WWOX: variants seen among roughly 807,000 people sequenced by gnomAD.
WWOX encodes WW domain-containing oxidoreductase.
A neutral mutation model predicts 46.2 loss-of-function variants in WWOX; 69 were observed. That is an observed-to-expected ratio of 1.49 (90% CI 1.23 to 1.82). WWOX has a LOEUF of 1.82. WWOX is among the 40% of genes most tolerant of loss of function. The pLI is 0.00. For missense variants in WWOX, 919 were observed against 542.6 expected (o/e 1.69, Z -6.89); for synonymous variants, 359 against 202.6 (o/e 1.77, Z -6.56).
At chr16:78,862,638 G>A (rs2043915645) in intron 8 of WWOX, among the ~76,000 whole-genome samples, 1 of 152,106 alleles carries the variant, frequency 6.6e-6, no homozygotes, top group Admixed American at 6.5e-5. Context: ...AGAAGCAGGA[G>A]ATAAAAAGGC....
chr16:78,688,089 G>C (rs1359949913), intron 8 of WWOX, among the ~76,000 whole-genome samples: 1 of 136,930 alleles, frequency 7.3e-6, no homozygotes, highest in African/African-American at 2.8e-5. Context: ...CAAATTCACA[G>C]ACCAGGAATG....
At chr16:79,030,465 C>T (rs1221727741) in intron 8 of WWOX, among the ~76,000 whole-genome samples, 2 of 152,166 alleles carry the variant, frequency 1.3e-5, no homozygotes, top group African/African-American at 2.4e-5. Flanking sequence ...CGGGCAATCC[C>T]ATTAGCAGTG....
intron 8 of WWOX, among the ~76,000 whole-genome samples, chr16:78,633,526 T>C (rs937094137): frequency 1.3e-5 from 2 of 152,208 alleles, no homozygotes; most frequent in East Asian, 1.9e-4. Flanking sequence ...AGCTAACGCA[T>C]GGCAACGCTG....
At chr16:79,077,389 A>C (rs2048678012) in intron 8 of WWOX, 1 of 152,162 alleles carries the variant, frequency 6.6e-6, no homozygotes, top group Admixed American at 6.5e-5. Flanking sequence ...TGTGTGGATT[A>C]AAAAACCACA....
Position 78,354,551 on chromosome 16 carries a change from T to C in WWOX, c.517-32309T>C, listed in dbSNP as rs181069454. ...ATTTCTAGTTTAGAAGAGACCCTTATTTTTCATATGCTTAGAAATATCCAG... is the reference window on the plus strand; with the variant it reads ...ATTTCTAGTTTAGAAGAGACCCTTACTTTTCATATGCTTAGAAATATCCAG... On this transcript the variant is annotated intron_variant, in intron 5 of 8. Transcript: ENST00000566780. Among the ~76,000 whole-genome samples, 42 of 152,270 alleles carry C rather than the reference T, an allele frequency of 2.8e-4. No individual in the cohort carries two copies. The East Asian group carries it at 7.5e-3, about 27-fold the overall frequency.
intron 8 of WWOX, chr16:78,873,366 C>T (rs1236621107): frequency 1.3e-5 from 2 of 152,140 alleles, no homozygotes; most frequent in Non-Finnish European, 2.9e-5. Context: ...AGTTGACTAT[C>T]TCCTTATGCT....
At chr16:78,649,864 C>T (rs1365681326) in intron 8 of WWOX, among the ~76,000 whole-genome samples, 1 of 152,290 alleles carries the variant, frequency 6.6e-6, no homozygotes, top group East Asian at 1.9e-4. Context: ...CCTTGTCTTC[C>T]ACATATGGTA....
At chr16:78,875,571 T>C (rs3752910) in intron 8 of WWOX, among the ~76,000 whole-genome samples, 5,027 of 152,310 alleles carry the variant, frequency 0.033, 227 homozygotes, top group East Asian at 0.25. Flanking sequence ...ACTTTGCCTC[T>C]CTTCCCGACT....
chr16:79,103,578 C>A (rs11866236), intron 8 of WWOX, among the ~76,000 whole-genome samples: 3,264 of 152,250 alleles, frequency 0.021, 111 homozygotes, highest in African/African-American at 0.075. Flanking sequence ...TTATTCCATA[C>A]TATCTGATTC....
chr16:78,676,549 A>T (rs1217420697), intron 8 of WWOX, among the ~76,000 whole-genome samples: 1 of 152,096 alleles, frequency 6.6e-6, no homozygotes, highest in African/African-American at 2.4e-5. Context: ...ACAGTCTAAA[A>T]TCATCATCAT....
chr16:78,720,197 C>T (rs1226647848), intron 8 of WWOX, among the ~76,000 whole-genome samples: 2 of 151,948 alleles, frequency 1.3e-5, no homozygotes, highest in African/African-American at 4.8e-5. Flanking sequence ...TCTTTTAGAC[C>T]CTACCAGTAA....
chr16:79,168,480 G>A (rs966939784), intron 8 of WWOX, among the ~76,000 whole-genome samples: 2 of 152,152 alleles, frequency 1.3e-5, no homozygotes, highest in African/African-American at 4.8e-5. Context: ...TTGTGCATGT[G>A]CAACTGAAAT....
At chr16:78,555,867 A>G (rs906766451) in intron 8 of WWOX, among the ~76,000 whole-genome samples, 4 of 152,136 alleles carry the variant, frequency 2.6e-5, no homozygotes, top group South Asian at 2.1e-4. Context: ...TGTTATCACA[A>G]TCTCTGCAGA....
chr16:79,113,588 C>A (rs1008698633), intron 8 of WWOX, among the ~76,000 whole-genome samples: 2 of 152,226 alleles, frequency 1.3e-5, no homozygotes, highest in Admixed American at 1.3e-4. Context: ...AATGAGCAAT[C>A]CCTGTCGCCA....
chr16:78,762,241 A>T (rs1301336002), intron 8 of WWOX, among the ~76,000 whole-genome samples: 2 of 152,156 alleles, frequency 1.3e-5, no homozygotes, highest in Non-Finnish European at 2.9e-5. Context: ...GTGTCTTAAG[A>T]CTGTGCCCTT....
At chr16:78,473,492 A>G (rs1026098996) in intron 8 of WWOX, among the ~76,000 whole-genome samples, 3 of 152,180 alleles carry the variant, frequency 2.0e-5, no homozygotes, top group African/African-American at 7.2e-5. Context: ...GCACAGCATG[A>G]AGAGCTGACA....
intron 8 of WWOX, among the ~76,000 whole-genome samples, chr16:78,464,345 G>C (rs4036031): frequency 2.1e-5 from 3 of 146,146 alleles, no homozygotes; most frequent in African/African-American, 8.3e-5. Context: ...AAAGAAGAGA[G>C]AGAAGGAGGA....
intron 8 of WWOX, among the ~76,000 whole-genome samples, chr16:78,758,430 G>A (rs2049711053): frequency 6.6e-6 from 1 of 152,150 alleles, no homozygotes; most frequent in African/African-American, 2.4e-5. Flanking sequence ...CAGGGTCCAG[G>A]AGCCACCTTA....
chr16:78,951,781 G>A (rs1327352161), intron 8 of WWOX, among the ~76,000 whole-genome samples: 1 of 152,112 alleles, frequency 6.6e-6, no homozygotes, highest in Non-Finnish European at 1.5e-5. Flanking sequence ...GTTGTGAAGG[G>A]GGCCAGCCAG....
Sources: gnomAD v4.1 joint callset for allele counts (sites outside exome capture counted in the v4.1 genomes callset) on GRCh38, gnomAD v4.1.1 for gene constraint, MANE v1.5 for transcripts, NCBI Gene and HGNC (gene_info 2026-07-23, HGNC 2026-07-21) for gene names.